The following NOSTRIN variants were observed in gnomAD, a reference collection of about 807,000 sequenced individuals.
The protein encoded by NOSTRIN is nitric oxide synthase trafficking.
NOSTRIN carries 63 observed loss-of-function variants against 59.0 expected under a neutral mutation model. That is an observed-to-expected ratio of 1.07 (90% confidence interval 0.87 to 1.32). The LOEUF (loss-of-function observed/expected upper bound fraction) is 1.32, where lower values mean the gene tolerates loss of function less well. Among genes scored for constraint, NOSTRIN ranks in the 40% most tolerant of loss-of-function variants. The probability of loss-of-function intolerance (pLI) is 0.00; values close to 1 mark genes in which losing one functional copy is unlikely to be tolerated. For synonymous variants in NOSTRIN, 200 were observed against 165.4 expected (o/e 1.21, Z -1.61); for missense variants, 512 against 473.1 (o/e 1.08, Z -0.76).
chr2:168,864,807 C>T (rs758363661), intron 15 of NOSTRIN, 27 bp from the exon 16 acceptor site: 2 of 1,612,750 alleles, frequency 1.2e-6, no homozygotes, highest in Non-Finnish European at 1.7e-6. Flanking sequence ...ATCACAGAGA[C>T]CCATTTGTCT....
chr2:168,834,928 A>G (rs1175827252), intron 7 of NOSTRIN, among the ~76,000 whole-genome samples: 1 of 152,236 alleles, frequency 6.6e-6, no homozygotes, highest in Non-Finnish European at 1.5e-5. Context: ...AGGATGAAAT[A>G]AAGATGAAAT....
chr2:168,861,782 GCAT>G (rs1378846526), intron 14 of NOSTRIN, among the ~76,000 whole-genome samples, 175 bp from the exon 15 acceptor site: 3 of 152,126 alleles, frequency 2.0e-5, no homozygotes, highest in Non-Finnish European at 4.4e-5. Flanking sequence ...TATAGAAAGT[GCAT>G]CATAAGTGGT....
chr2:168,822,410 T>G (rs1327571193), intron 2 of NOSTRIN, among the ~76,000 whole-genome samples: 1 of 152,248 alleles, frequency 6.6e-6, no homozygotes, highest in African/African-American at 2.4e-5. Flanking sequence ...AATTTCATTT[T>G]ATAGAAGAGG....
chr2:168,850,719 C>T (rs1184228643), intron 8 of NOSTRIN: 5 of 657,286 alleles, frequency 7.6e-6, no homozygotes, highest in South Asian at 5.9e-5. Context: ...TCAAGGCCAG[C>T]CTGCCCAACA....
chr2:168,826,583 G>A (rs1401588838), intron 3 of NOSTRIN, among the ~76,000 whole-genome samples: 4 of 152,120 alleles, frequency 2.6e-5, no homozygotes, highest in Admixed American at 6.5e-5. Flanking sequence ...AGGTCATGCA[G>A]AAAACAAAGG....
intron 7 of NOSTRIN, among the ~76,000 whole-genome samples, chr2:168,836,066 G>GAAGA (rs1311217930): frequency 6.6e-6 from 1 of 152,182 alleles, no homozygotes; most frequent in African/African-American, 2.4e-5. Context: ...TCTTTCATCT[G>GAAGA]AAGAAATATC....
intron 2 of NOSTRIN, among the ~76,000 whole-genome samples, chr2:168,819,671 A>G (rs192615318): frequency 5.9e-5 from 9 of 152,284 alleles, no homozygotes; most frequent in Admixed American, 4.6e-4. Context: ...GGTTCCCAAA[A>G]TGGTCATTAG....
At chr2:168,818,796 G>A (rs187892448) in intron 2 of NOSTRIN, among the ~76,000 whole-genome samples, 8 of 152,162 alleles carry the variant, frequency 5.3e-5, no homozygotes, top group Admixed American at 2.0e-4. Context: ...AAAAGTCAGT[G>A]CATGTCACTT....
At chr2:168,842,948 C>CA (rs765202216) in intron 7 of NOSTRIN, 44 bp from the exon 8 acceptor site, 1 of 856,204 alleles carries the variant, frequency 1.2e-6, no homozygotes, top group East Asian at 2.4e-5. Flanking sequence ...AAAGGGCTTT[C>CA]AAAAATGTGT....
At chr2:168,836,895 CCT>C (rs1687752353) in intron 7 of NOSTRIN, among the ~76,000 whole-genome samples, 2 of 152,302 alleles carry the variant, frequency 1.3e-5, no homozygotes, top group Admixed American at 6.5e-5. Flanking sequence ...TATAACTCCC[CCT>C]GTCTTATAGT....
At chr2:168,864,076 TCCTG>T (rs1689680421) in intron 15 of NOSTRIN, among the ~76,000 whole-genome samples, 1 of 151,880 alleles carries the variant, frequency 6.6e-6, no homozygotes, top group African/African-American at 2.4e-5. Flanking sequence ...CAAGTGATTC[TCCTG>T]CCTCAGTCTC....
intron 12 of NOSTRIN, 59 bp from the exon 13 acceptor site, chr2:168,859,453 A>G: frequency 6.2e-7 from 1 of 1,601,464 alleles, no homozygotes; most frequent in African/African-American, 1.3e-5. Flanking sequence ...TGATATTCCT[A>G]TCCAGTTGTG....
intron 2 of NOSTRIN, among the ~76,000 whole-genome samples, chr2:168,789,891 G>T (rs989732912): frequency 1.3e-5 from 2 of 152,066 alleles, no homozygotes; most frequent in African/African-American, 4.8e-5. Flanking sequence ...TGGAAAAACT[G>T]GTCTCATAAA....
At chr2:168,786,800 A>G (rs1332969913) in intron 1 of NOSTRIN, 2 of 152,130 alleles carry the variant, frequency 1.3e-5, no homozygotes, top group African/African-American at 4.8e-5. Flanking sequence ...TCAGTCTCTC[A>G]GTCTGCCTTA....
chr2:168,860,707 T>G, intron 13 of NOSTRIN, 88 bp from the exon 14 acceptor site: 1 of 832,000 alleles, frequency 1.2e-6, no homozygotes, highest in Non-Finnish European at 1.9e-6. Context: ...AAAAACAACT[T>G]GAGGAAAACA....
At chr2:168,808,654 A>C (rs1354210730) in intron 1 of NOSTRIN, among the ~76,000 whole-genome samples, 1 of 152,232 alleles carries the variant, frequency 6.6e-6, no homozygotes, top group Non-Finnish European at 1.5e-5. Flanking sequence ...TCAAATAAGA[A>C]AGCCACAGGA....
chr2:168,795,672 G>A (rs1325725561), upstream of NOSTRIN, among the ~76,000 whole-genome samples: 1 of 152,178 alleles, frequency 6.6e-6, no homozygotes, highest in East Asian at 1.9e-4. Context: ...TATATAATAA[G>A]TTAATTATGA....
At chr2:168,855,638 C>CAAAAAAAAAAAAAAAAAAAGAAAAAAAA in intron 11 of NOSTRIN, 178 bp downstream of exon 11, 1 of 115,544 alleles carries the variant, frequency 8.7e-6, no homozygotes, top group Non-Finnish European at 1.6e-5. Context: ...AAAAGAAAGC[C>CAAAAAAAAAAAAAAAAAAAGAAAAAAAA]AAAAAAAAAA....
At chr2:168,852,472 G>A (rs1310542324) in intron 10 of NOSTRIN, among the ~76,000 whole-genome samples, 1 of 152,150 alleles carries the variant, frequency 6.6e-6, no homozygotes, top group African/African-American at 2.4e-5. Flanking sequence ...TAATTGTAGT[G>A]TTCTAGGAAC....
Sources: allele counts gnomAD v4.1 joint callset (sites outside exome capture counted in the v4.1 genomes callset), GRCh38; gene constraint gnomAD v4.1.1; transcripts MANE v1.5; gene names NCBI Gene and HGNC (gene_info 2026-07-23, HGNC 2026-07-21).